Variants in CHAF1A observed in about 807,000 individuals in gnomAD.
The protein encoded by CHAF1A is CAF-1 subunit A.
A neutral mutation model predicts 93.2 loss-of-function variants in CHAF1A; 5 were observed. That is an observed-to-expected ratio of 0.05 (90% confidence interval 0.03 to 0.11). The LOEUF (loss-of-function observed/expected upper bound fraction) is 0.11. CHAF1A is among the 10% of genes least tolerant of loss of function. The pLI, the probability that CHAF1A is intolerant of heterozygous loss-of-function variation, is 1.00. For synonymous variants in CHAF1A, 504 were observed against 510.3 expected (o/e 0.99, Z 0.17); for missense variants, 1,102 against 1,259.9 (o/e 0.87, Z 1.90).
At chr19:4,404,055 A>T (rs541350307) in intron 1 of CHAF1A, among the ~76,000 whole-genome samples, 12 of 152,194 alleles carry the variant, frequency 7.9e-5, no homozygotes, top group Non-Finnish European at 1.6e-4. Context: ...TTCTGACCTC[A>T]GGTAATCCAC....
At chr19:4,447,112 C>T, downstream of CHAF1A, 1 of 612,450 alleles carries the variant, frequency 1.6e-6, no homozygotes, top group Non-Finnish European at 2.9e-6. Context: ...GAGTCTCCAA[C>T]AGCTCTGCAC....
At chr19:4,421,471 A>G (rs1448591487) in intron 4 of CHAF1A, among the ~76,000 whole-genome samples, 1 of 152,110 alleles carries the variant, frequency 6.6e-6, no homozygotes, top group Non-Finnish European at 1.5e-5. Flanking sequence ...AGGAAGCATA[A>G]TGGATTATGA....
At chr19:4,447,912 G>A (rs968843054), downstream of CHAF1A, 24 of 509,686 alleles carry the variant, frequency 4.7e-5, no homozygotes, top group East Asian at 3.1e-4. Flanking sequence ...CCACAGTGCC[G>A]GAAGAGTGGA....
rs778100682 is a variant in CHAF1A at position 4,408,461 on chromosome 19, C to CTTTTTTTTTTTTTT, written c.104-425_104-412dup. On this transcript the variant is annotated intron_variant, in intron 2 of 14. Coordinates refer to ENST00000301280, the MANE Select transcript of CHAF1A (RefSeq NM_005483.3). Reference sequence around the variant, plus strand: ...CCTGCCTTGGCCTCCCGCACCCGGCCTTTTTTTTTTTTTTTTTTTTTTTTT... The same window carrying CTTTTTTTTTTTTTT: ...CCTGCCTTGGCCTCCCGCACCCGGCCTTTTTTTTTTTTTTTTTTTTTTTTTTTTTTTTTTTTTTT... Among the ~76,000 whole-genome samples, 171 of 36,018 alleles carry CTTTTTTTTTTTTTT rather than the reference C, an allele frequency of 4.7e-3. 53 individuals carry two copies. Among genetic ancestry groups the CTTTTTTTTTTTTTT allele is most frequent in the African/African-American group, 9.1e-3 (54 of 5,962 alleles). 23.6% of individuals were successfully genotyped at this position (36,018 alleles called of 152,430 possible).
intron 4 of CHAF1A, among the ~76,000 whole-genome samples, chr19:4,421,080 A>T (rs998915923): frequency 6.6e-6 from 1 of 151,934 alleles, no homozygotes; most frequent in African/African-American, 2.4e-5. Context: ...ATAAATAAAT[A>T]ATGTTTTTTT....
intron 4 of CHAF1A, among the ~76,000 whole-genome samples, chr19:4,421,051 A>C (rs1973982537): frequency 6.6e-6 from 1 of 152,094 alleles, no homozygotes; most frequent in Admixed American, 6.6e-5. Context: ...TGGGCACTAG[A>C]ATGAGACTCT....
chr19:4,426,167 CTTTT>C (rs57040531), intron 7 of CHAF1A, among the ~76,000 whole-genome samples: 3 of 95,614 alleles, frequency 3.1e-5, no homozygotes, highest in Non-Finnish European at 4.0e-5. Flanking sequence ...TGTTTACAGT[CTTTT>C]TTTTTTTTTT....
At chr19:4,441,961 C>G (rs1198189516) in intron 13 of CHAF1A, among the ~76,000 whole-genome samples, 1 of 152,238 alleles carries the variant, frequency 6.6e-6, no homozygotes, top group Non-Finnish European at 1.5e-5. Flanking sequence ...GGTATGCGGC[C>G]TGTCACTGAC....
downstream of CHAF1A, chr19:4,445,292 G>C (rs1352564723): frequency 1.3e-5 from 10 of 788,280 alleles, no homozygotes; most frequent in South Asian, 1.7e-4. Flanking sequence ...CTCCCTCGGG[G>C]GCTTGGGCGC....
At chr19:4,411,789 A>T (rs1973809688) in intron 3 of CHAF1A, among the ~76,000 whole-genome samples, 1 of 151,626 alleles carries the variant, frequency 6.6e-6, no homozygotes. Flanking sequence ...CTGGGATTAC[A>T]GGTGCCCACC....
downstream of CHAF1A, chr19:4,446,484 C>T (rs368745334): frequency 4.1e-5 from 66 of 1,599,970 alleles, no homozygotes; most frequent in African/African-American, 3.7e-4. Flanking sequence ...CTCTGCTCCG[C>T]GGACGTCAGG....
Position 4,443,218 on chromosome 19 carries a change from T to C in CHAF1A, c.*193T>C, listed in dbSNP as rs1974430273. The C allele has an allele frequency of 1.7e-6, 1 of 601,564 alleles. No homozygotes were observed. Among genetic ancestry groups the C allele is most frequent in the African/African-American group, 1.8e-5 (1 of 54,536 alleles). 37.3% of individuals were successfully genotyped at this position (601,564 alleles called of 1,614,324 possible). On this transcript the variant is annotated 3_prime_UTR_variant, in exon 15 of 15. Transcript: ENST00000301280. ...AATTCCCCCAAGAGCCGCATATGAA[T>C]CTGCCCTTTAATAAAGCATTATTGA... is the stretch of plus-strand genomic sequence containing the variant.
In CHAF1A at chr19:4,441,852, C is replaced by T. The variant is rs185794188; in HGVS notation, c.2674-393C>T. On this transcript the variant is annotated intron_variant, in intron 13 of 14. Transcript: ENST00000301280. ...GGCGGAGCTTGCAGTGAGTCGAGAT[C>T]GCGCCACTGCACTCCAGCCTGGGCA... 9.9e-3 allele frequency among the ~76,000 whole-genome samples: 1,508 copies of T among 151,620 alleles called. 15 individuals are homozygous for T. Among genetic ancestry groups the T allele is most frequent in the Non-Finnish European group, 0.014 (933 of 67,856 alleles).
At chr19:4,428,916 C>G (rs1274394792) in intron 8 of CHAF1A, 26 bp downstream of exon 8, 1 of 1,588,800 alleles carries the variant, frequency 6.3e-7, no homozygotes, top group East Asian at 2.2e-5. Flanking sequence ...GGTCGGCCTT[C>G]ACCCACTAGT....
chr19:4,447,457 G>T, downstream of CHAF1A: 3 of 1,392,312 alleles, frequency 2.2e-6, no homozygotes, highest in South Asian at 2.3e-5. Context: ...CTCCTCCAGG[G>T]AGCCCACCGC....
intron 11 of CHAF1A, chr19:4,431,101 C>G (rs1974174433): frequency 1.9e-5 from 3 of 160,046 alleles, no homozygotes; most frequent in Non-Finnish European, 4.1e-5. Flanking sequence ...CCACCCCTTT[C>G]CAGATTCCAT....
rs746528591 is a variant in CHAF1A, at chr19:4,432,152, G to A, written c.2148G>A (p.Pro716=). ...CAGCCTGCTTCCTGGAGACCCTGCC[G>A]GCCCAGGAGGAGCAGACGCCCAAGG... ...QFAACFLETL[P]AQEEQTPKAS... is the part of the protein sequence containing the mutation. The change falls in exon 12 of 15, where the codon CCG becomes CCA. Residue 716 remains proline (P), a synonymous_variant. Coordinates refer to ENST00000301280, the MANE Select transcript of CHAF1A (RefSeq NM_005483.3). The A allele has an allele frequency of 2.2e-5, 36 of 1,612,682 alleles. 1 individual carries two copies. Among genetic ancestry groups the A allele is most frequent in the South Asian group, 1.9e-4 (17 of 91,042 alleles).
chr19:4,434,045 GT>G (rs1974238140), intron 13 of CHAF1A, among the ~76,000 whole-genome samples: 1 of 151,962 alleles, frequency 6.6e-6, no homozygotes. Context: ...TGGTGCATTG[GT>G]TACAATCAGT....
rs747750687 is a variant in CHAF1A, at chr19:4,427,136, C to CTTTTTTTT, written c.1378-1504_1378-1497dup. Among the ~76,000 whole-genome samples the CTTTTTTTT allele has an allele frequency of 7.2e-3, 231 of 31,940 alleles. 49 individuals are homozygous for CTTTTTTTT. Among genetic ancestry groups the CTTTTTTTT allele is most frequent in the African/African-American group, 0.023 (157 of 6,818 alleles). The allele number at this position is 31,940 out of a possible 152,430, so 21.0% of individuals were successfully genotyped here. On this transcript the variant is annotated intron_variant, in intron 7 of 14. Coordinates refer to ENST00000301280, the MANE Select transcript of CHAF1A (RefSeq NM_005483.3). ...GTGATCTTTCAAAAAAAGACCCTGT[C>CTTTTTTTT]TTTTTTTTTTTTTTTTTTTTTTTTT... is the stretch of plus-strand genomic sequence containing the variant.
Sources: gnomAD v4.1 joint callset for allele counts (sites outside exome capture counted in the v4.1 genomes callset) on GRCh38, gnomAD v4.1.1 for gene constraint, MANE v1.5 for transcripts, NCBI Gene and HGNC (gene_info 2026-07-23, HGNC 2026-07-21) for gene names.